RRAS2: variants seen among roughly 807,000 people sequenced by gnomAD.
RRAS2 encodes the protein RAS related 2.
A neutral mutation model predicts 27.6 loss-of-function variants in RRAS2; 7 were observed. That is an observed-to-expected ratio of 0.25 (90% CI 0.14 to 0.48). The LOEUF is 0.48. Among genes scored for constraint, RRAS2 ranks in the 20% least tolerant of loss-of-function variants. RRAS2 has a pLI of 0.99. For synonymous variants in RRAS2, 86 were observed against 90.9 expected, an observed-to-expected ratio of 0.95 and a Z score of 0.31; for missense variants, 178 against 256.2, an observed-to-expected ratio of 0.69 and a Z score of 2.08.
chr11:14,323,119 C>G (rs549301520), intron 1 of RRAS2, among the ~76,000 whole-genome samples: 1 of 152,012 alleles, frequency 6.6e-6, no homozygotes, highest in African/African-American at 2.4e-5. Context: ...AATGGACATA[C>G]GCCTAGAAAA....
intron 2 of RRAS2, 121 bp from the exon 3 acceptor site, chr11:14,294,983 C>T (rs1847506690): frequency 1.4e-6 from 1 of 728,062 alleles, no homozygotes. Flanking sequence ...ACAGAAATGG[C>T]ATTCCTTTCT....
At chr11:14,363,495 G>A (rs978410278), upstream of RRAS2, among the ~76,000 whole-genome samples, 5 of 152,198 alleles carry the variant, frequency 3.3e-5, no homozygotes, top group African/African-American at 7.2e-5. Context: ...ATGGCCGGGC[G>A]CAGTGGCTCA....
intron 4 of RRAS2, among the ~76,000 whole-genome samples, chr11:14,285,253 G>A (rs949741470): frequency 6.6e-6 from 1 of 152,096 alleles, no homozygotes; most frequent in Non-Finnish European, 1.5e-5. Flanking sequence ...TATGGTTTAA[G>A]AATCTTACAA....
rs968049193 is a variant in RRAS2, at chr11:14,359,007, G to A, written c.-137C>T. 5.0e-5 allele frequency: 57 copies of A among 1,140,044 alleles called. 1 individual carries two copies. The South Asian group carries it at 2.2e-3, about 45-fold the overall frequency. 70.6% of individuals were successfully genotyped at this position (1,140,044 alleles called of 1,614,324 possible). On this transcript the variant is annotated 5_prime_UTR_variant, in exon 1 of 6. Coordinates refer to ENST00000256196, the MANE Select transcript of RRAS2 (RefSeq NM_012250.6). ...GGGTCCCGGGTACCGGGAGGCGTCT[G>A]GAGGGCCGGTCAGCGCGGTAGCGCG...
chr11:14,334,191 G>A (rs1848543750), intron 1 of RRAS2, among the ~76,000 whole-genome samples: 1 of 152,144 alleles, frequency 6.6e-6, no homozygotes, highest in Admixed American at 6.5e-5. Flanking sequence ...CAGCACGAGA[G>A]TGCCCATTTC....
At chr11:14,305,912 G>C (rs1276259274) in intron 1 of RRAS2, among the ~76,000 whole-genome samples, 1 of 152,072 alleles carries the variant, frequency 6.6e-6, no homozygotes, top group East Asian at 1.9e-4. Flanking sequence ...AGATGTGGTG[G>C]TGCGTAACTG....
intron 1 of RRAS2, among the ~76,000 whole-genome samples, chr11:14,320,025 C>T (rs528019936): frequency 1.3e-5 from 2 of 152,258 alleles, no homozygotes; most frequent in African/African-American, 4.8e-5. Context: ...AGAAAAATGT[C>T]ACCATGAGAG....
At chr11:14,329,003 GTGTGTGTGTATATA>G (rs781874664) in intron 1 of RRAS2, among the ~76,000 whole-genome samples, 2 of 55,866 alleles carry the variant, frequency 3.6e-5, no homozygotes, top group African/African-American at 9.3e-5. Context: ...GTGTGTGTGT[GTGTGTGTGTATATA>G]TATATATATA....
At chr11:14,293,119 AAACAAATATAT>A (rs1249750601) in intron 4 of RRAS2, among the ~76,000 whole-genome samples, 4 of 97,166 alleles carry the variant, frequency 4.1e-5, no homozygotes, top group African/African-American at 1.5e-4. Flanking sequence ...AAACAAAACA[AAACAAATATAT>A]ATATATATAT....
intron 1 of RRAS2, among the ~76,000 whole-genome samples, chr11:14,327,944 A>C (rs1318762164): frequency 1.3e-5 from 2 of 152,240 alleles, no homozygotes; most frequent in African/African-American, 2.4e-5. Flanking sequence ...CAAAGAAGCC[A>C]AACTTAGACC....
intron 1 of RRAS2, among the ~76,000 whole-genome samples, chr11:14,304,441 A>G (rs1221591294): frequency 1.3e-5 from 2 of 152,218 alleles, no homozygotes; most frequent in Non-Finnish European, 2.9e-5. Flanking sequence ...GCTACCCACT[A>G]TGCAAGTTCT....
intron 1 of RRAS2, chr11:14,341,950 A>T: frequency 2.2e-6 from 1 of 451,718 alleles, no homozygotes; most frequent in Non-Finnish European, 4.1e-6. Context: ...TCATGCATTT[A>T]TACAACATTA....
rs1684222671 is a variant in RRAS2, at chr11:14,278,072, C to T, written c.*1265G>A. 1 of 152,184 alleles carries T rather than the reference C, an allele frequency of 6.6e-6. No homozygotes were observed. Among genetic ancestry groups the T allele is most frequent in the South Asian group, 2.1e-4 (1 of 4,828 alleles). 9.4% of individuals were successfully genotyped at this position (152,184 alleles called of 1,614,324 possible). A position where few individuals can be genotyped will look rare whatever the true frequency, so the allele number is the denominator to read the frequency against. On this transcript the variant is annotated 3_prime_UTR_variant, in exon 6 of 6. Coordinates refer to ENST00000256196, the MANE Select transcript of RRAS2 (RefSeq NM_012250.6). ...AAATCAGGAACATACTATTGAATTG[C>T]TTAAACACAATCCACAGAATTAAAA...
Position 14,309,463 on chromosome 11 carries a change from A to C in RRAS2, c.109-13608T>G, listed in dbSNP as rs1273138011. On this transcript the variant is annotated intron_variant, in intron 1 of 5. Transcript: ENST00000256196. The stretch of plus-strand genomic sequence containing the variant: ...TTTCTTGAAGTATTGACCATCAATA[A>C]ATAAGCAAACATAATACATCAGAGG... 2.0e-5 allele frequency among the ~76,000 whole-genome samples: 3 copies of C among 152,334 alleles called. 1 individual carries two copies. The Middle Eastern group carries it at 0.01, about 518-fold the overall frequency.
intron 5 of RRAS2, 50 bp downstream of exon 5, chr11:14,281,552 C>T (rs781921395): frequency 4.7e-5 from 65 of 1,390,030 alleles, no homozygotes; most frequent in Middle Eastern, 3.6e-4. Context: ...TTACTAAAAA[C>T]ATTTAATAGT....
chr11:14,287,871 CAAAAAAA>C (rs34954723), intron 4 of RRAS2, among the ~76,000 whole-genome samples: 1 of 119,032 alleles, frequency 8.4e-6, no homozygotes, highest in Non-Finnish European at 1.7e-5. Flanking sequence ...GACTCTGTCT[CAAAAAAA>C]AAAAAAAAAA....
chr11:14,363,694 C>T (rs529240580), upstream of RRAS2, among the ~76,000 whole-genome samples: 8 of 152,014 alleles, frequency 5.3e-5, no homozygotes, highest in Non-Finnish European at 1.0e-4. Context: ...TCACTCGAAC[C>T]GGGGAGGCGG....
chr11:14,311,158 G>A (rs782158920), intron 1 of RRAS2, among the ~76,000 whole-genome samples: 1 of 152,064 alleles, frequency 6.6e-6, no homozygotes, highest in Non-Finnish European at 1.5e-5. Context: ...GACCAGCCTA[G>A]GCAACATAGC....
At chr11:14,329,391 G>A (rs1380579205) in intron 1 of RRAS2, among the ~76,000 whole-genome samples, 2 of 152,180 alleles carry the variant, frequency 1.3e-5, no homozygotes, top group African/African-American at 4.8e-5. Context: ...TAAGATTACA[G>A]GCACAAGCCA....
Sources: allele counts gnomAD v4.1 joint callset (sites outside exome capture counted in the v4.1 genomes callset), GRCh38; gene constraint gnomAD v4.1.1; transcripts MANE v1.5; gene names NCBI Gene and HGNC (gene_info 2026-07-23, HGNC 2026-07-21).